Variants in NKAIN1 observed in about 807,000 individuals in gnomAD.
The protein encoded by NKAIN1 is sodium/potassium-transporting ATPase subunit beta-1-interacting protein 1.
A neutral mutation model predicts 31.6 loss-of-function variants in NKAIN1; 13 were observed. The ratio of observed to expected loss-of-function variants is 0.41; its 90% CI spans 0.27 to 0.65. The LOEUF is 0.65. Among genes scored for constraint, NKAIN1 ranks in the 30% least tolerant of loss-of-function variants. The probability of loss-of-function intolerance (pLI) is 0.30; values close to 1 mark genes in which losing one functional copy is unlikely to be tolerated. For missense variants in NKAIN1, 193 were observed against 262.2 expected (o/e 0.74, Z 1.82); for synonymous variants, 104 against 109.0 (o/e 0.95, Z 0.28).
At chr1:31,208,956 G>C (rs190194751) in intron 1 of NKAIN1, among the ~76,000 whole-genome samples, 64 of 152,262 alleles carry the variant, frequency 4.2e-4, no homozygotes, top group Non-Finnish European at 7.1e-4. Flanking sequence ...CACCTCCCAG[G>C]GGGTGGGAGT....
chr1:31,228,031 G>A (rs1355401194), intron 1 of NKAIN1, among the ~76,000 whole-genome samples: 1 of 152,180 alleles, frequency 6.6e-6, no homozygotes, highest in Non-Finnish European at 1.5e-5. Flanking sequence ...TTGCATGGTG[G>A]TGGCGGGCTT....
At chr1:31,184,783 T>A (rs913353703) in intron 3 of NKAIN1, among the ~76,000 whole-genome samples, 8 of 152,196 alleles carry the variant, frequency 5.3e-5, no homozygotes, top group African/African-American at 1.7e-4. Context: ...ACAGTCCTAC[T>A]TTCTTGGTCT....
At chr1:31,237,542 C>T (rs574648769) in intron 1 of NKAIN1, among the ~76,000 whole-genome samples, 1 of 151,542 alleles carries the variant, frequency 6.6e-6, no homozygotes, top group Admixed American at 6.6e-5. Context: ...CTCTGTCGTC[C>T]AGGCTGGAGT....
At chr1:31,216,663 TCTC>T (rs1645514890) in intron 1 of NKAIN1, among the ~76,000 whole-genome samples, 1 of 136,812 alleles carries the variant, frequency 7.3e-6, no homozygotes, top group African/African-American at 2.7e-5. Context: ...TGGGGTTTGA[TCTC>T]CTAGGAACGC....
intron 2 of NKAIN1, among the ~76,000 whole-genome samples, 199 bp from the exon 3 acceptor site, chr1:31,185,526 C>T (rs1645235788): frequency 6.6e-6 from 1 of 152,182 alleles, no homozygotes; most frequent in Non-Finnish European, 1.5e-5. Context: ...CAGCACTGCC[C>T]TCTTTTAGAG....
intron 1 of NKAIN1, among the ~76,000 whole-genome samples, chr1:31,202,975 T>TAAAA (rs34702847): frequency 1.9e-4 from 20 of 104,708 alleles, no homozygotes; most frequent in Admixed American, 3.6e-4. Flanking sequence ...GATTCCGTCT[T>TAAAA]AAAAAAAAAA....
At chr1:31,234,900 C>T (rs762673098) in intron 1 of NKAIN1, among the ~76,000 whole-genome samples, 6 of 152,120 alleles carry the variant, frequency 3.9e-5, no homozygotes, top group African/African-American at 9.7e-5. Context: ...ACTAGCTTAG[C>T]GAGCTTGGGC....
At chr1:31,189,275 C>G (rs925300538) in intron 1 of NKAIN1, among the ~76,000 whole-genome samples, 2 of 152,014 alleles carry the variant, frequency 1.3e-5, no homozygotes, top group Non-Finnish European at 2.9e-5. Flanking sequence ...CCCACAGAAT[C>G]ATGAACTAAA....
At chr1:31,204,977 G>A (rs1645412400) in intron 1 of NKAIN1, among the ~76,000 whole-genome samples, 1 of 152,210 alleles carries the variant, frequency 6.6e-6, no homozygotes, top group Non-Finnish European at 1.5e-5. Context: ...GCTCTCACAA[G>A]TTGTAGGATC....
chr1:31,182,608 A>C lies in NKAIN1; in HGVS notation c.472-18T>G. On this transcript the variant is annotated intron_variant, in intron 4 of 6. Coordinates refer to ENST00000373736, the MANE Select transcript of NKAIN1 (RefSeq NM_024522.3). ...CCGAACAGCTGGGAGTGGAGATGACACGTCAGGGAGGAAGGAGGAGTGGGA... is the reference window on the plus strand; with the variant it reads ...CCGAACAGCTGGGAGTGGAGATGACCCGTCAGGGAGGAAGGAGGAGTGGGA... The C allele has an allele frequency of 6.2e-7, 1 of 1,613,868 alleles. No individual in the cohort carries two copies. Among genetic ancestry groups the C allele is most frequent in the South Asian group, 1.1e-5 (1 of 91,048 alleles).
At chr1:31,191,824 T>A (rs1557651008) in intron 1 of NKAIN1, among the ~76,000 whole-genome samples, 1 of 152,184 alleles carries the variant, frequency 6.6e-6, no homozygotes, top group Non-Finnish European at 1.5e-5. Context: ...TTGCCCAGGT[T>A]GGGGTGCAAT....
intron 1 of NKAIN1, among the ~76,000 whole-genome samples, chr1:31,228,173 T>C (rs1645622088): frequency 6.6e-6 from 1 of 152,224 alleles, no homozygotes; most frequent in South Asian, 2.1e-4. Flanking sequence ...CTGGTAATTA[T>C]GCCTAATTGT....
chr1:31,237,748 G>A (rs1368589219), intron 1 of NKAIN1, among the ~76,000 whole-genome samples: 2 of 152,070 alleles, frequency 1.3e-5, no homozygotes, highest in Middle Eastern at 3.4e-3. Flanking sequence ...TGCCCATCTC[G>A]CCCTCCCAAA....
At chr1:31,232,406 T>C (rs1359023907) in intron 1 of NKAIN1, among the ~76,000 whole-genome samples, 1 of 27,360 alleles carries the variant, frequency 3.7e-5, no homozygotes, top group African/African-American at 1.1e-4. Flanking sequence ...CATATATATA[T>C]ATATATATAT....
At chr1:31,206,556 C>T (rs900943134) in intron 1 of NKAIN1, among the ~76,000 whole-genome samples, 12 of 152,114 alleles carry the variant, frequency 7.9e-5, no homozygotes, top group African/African-American at 2.4e-4. Context: ...CTGTCTCAGC[C>T]TCCTGAGGAG....
At chr1:31,196,318 C>T (rs1645326285) in intron 1 of NKAIN1, among the ~76,000 whole-genome samples, 1 of 152,054 alleles carries the variant, frequency 6.6e-6, no homozygotes. Flanking sequence ...TCGAGACCAT[C>T]CTGGCTAACA....
chr1:31,181,930 C>G lies in NKAIN1; in HGVS notation c.544G>C (p.Gly182Arg), dbSNP rs769812872. Residue 182 changes from glycine (G) to arginine (R), a missense_variant, in exon 6 of 7, where the codon GGC becomes CGC. Physicochemically the swap from Gly to Arg is moderately radical, Grantham distance 125. Transcript: ENST00000373736. ...TGGTATCCGTAGGAGTCAAAGCCGC[C>G]GATGAAGTCAACTGCGGAAGAGGGG... ...LEEEDSFDFI[G>R]GFDSYGYQAP... 1.9e-6 allele frequency: 3 copies of G among 1,607,556 alleles called. No individual in the cohort carries two copies. The highest frequency in any genetic ancestry group is 2.5e-6 in the Non-Finnish European group (3 of 1,177,634).
intron 1 of NKAIN1, among the ~76,000 whole-genome samples, chr1:31,218,020 CTTTCTT>C (rs1414417525): frequency 1.4e-5 from 1 of 73,814 alleles, no homozygotes; most frequent in Non-Finnish European, 2.4e-5. Context: ...CTACCATTTT[CTTTCTT>C]TCTTTCTTTC....
intron 1 of NKAIN1, among the ~76,000 whole-genome samples, chr1:31,227,402 C>T (rs1283186588): frequency 6.6e-6 from 1 of 152,200 alleles, no homozygotes; most frequent in East Asian, 1.9e-4. Flanking sequence ...CGCAGCTCTG[C>T]CACTGCTGGA....
Sources: gnomAD v4.1 joint callset for allele counts (sites outside exome capture counted in the v4.1 genomes callset) on GRCh38, gnomAD v4.1.1 for gene constraint, MANE v1.5 for transcripts, NCBI Gene and HGNC (gene_info 2026-07-23, HGNC 2026-07-21) for gene names.